The following PDZRN4 variants were observed in gnomAD, a reference collection of about 807,000 sequenced individuals.
PDZRN4 encodes the protein PDZ domain-containing RING finger protein 4.
Under a neutral mutation model 99.0 loss-of-function variants are expected in PDZRN4, and 70 were observed. That is an observed-to-expected ratio of 0.71 (90% CI 0.58 to 0.86). The LOEUF is 0.86. Among genes scored for constraint, PDZRN4 ranks in the 40% least tolerant of loss-of-function variants. PDZRN4 has a pLI of 0.00. For missense variants in PDZRN4, 1,474 were observed against 1,331.2 expected (o/e 1.11, Z -1.67); for synonymous variants, 551 against 501.6 (o/e 1.10, Z -1.32).
chr12:41,312,018 G>A (rs1326958900), intron 3 of PDZRN4, among the ~76,000 whole-genome samples: 3 of 152,136 alleles, frequency 2.0e-5, no homozygotes, highest in Non-Finnish European at 1.5e-5. Flanking sequence ...AGCTGAGTGA[G>A]AGGAAAGCTT....
chr12:41,502,185 G>T (rs1167613247), intron 3 of PDZRN4, among the ~76,000 whole-genome samples: 1 of 151,852 alleles, frequency 6.6e-6, no homozygotes, highest in Non-Finnish European at 1.5e-5. Context: ...TCCCACCCTG[G>T]GACTACTAGC....
In PDZRN4 at chr12:41,567,859, A is replaced by G. The variant is rs779458823; in HGVS notation, c.1544A>G (p.His515Arg). ...ELNLEMLEEE[H>R]NEAMQPTANE... The stretch of plus-strand genomic sequence containing the variant: ...AACTTGGAGATGTTGGAAGAAGAGC[A>G]TAATGAAGCAATGCAGCCCACTGCC... The change falls in exon 9 of 10, where the codon CAT becomes CGT. Residue 515 changes from histidine (H) to arginine (R), a missense_variant. His to Arg is a conservative substitution (Grantham distance 29). Coordinates refer to ENST00000402685, the MANE Select transcript of PDZRN4 (RefSeq NM_001164595.2). 1.7e-5 allele frequency: 27 copies of G among 1,613,446 alleles called. 2 individuals carry two copies. The South Asian group carries it at 2.5e-4, about 15-fold the overall frequency.
intron 2 of PDZRN4, among the ~76,000 whole-genome samples, chr12:41,191,914 C>T (rs536458710): frequency 6.6e-6 from 1 of 152,070 alleles, no homozygotes; most frequent in South Asian, 2.1e-4. Flanking sequence ...TCCCAAATAG[C>T]TGGGATTACA....
chr12:41,342,713 A>T (rs1484433653), intron 3 of PDZRN4, among the ~76,000 whole-genome samples: 1 of 151,848 alleles, frequency 6.6e-6, no homozygotes, highest in Non-Finnish European at 1.5e-5. Flanking sequence ...GAAAATATAT[A>T]TTGGCAAATA....
intron 7 of PDZRN4, among the ~76,000 whole-genome samples, chr12:41,562,409 A>C (rs2120831651): frequency 6.6e-6 from 1 of 152,296 alleles, no homozygotes; most frequent in Middle Eastern, 3.4e-3. Flanking sequence ...TTTAAGCAGA[A>C]GTCCTTAGTG....
chr12:41,388,453 T>G (rs1029692473), intron 3 of PDZRN4, among the ~76,000 whole-genome samples: 2 of 152,152 alleles, frequency 1.3e-5, no homozygotes, highest in Non-Finnish European at 2.9e-5. Context: ...TGTAGGCCAC[T>G]GTCAAGACTT....
chr12:41,349,793 A>G (rs1486012425), intron 3 of PDZRN4, among the ~76,000 whole-genome samples: 2 of 152,018 alleles, frequency 1.3e-5, no homozygotes, highest in Non-Finnish European at 2.9e-5. Flanking sequence ...ACAGAGGTAT[A>G]TGTATACGGT....
chr12:41,457,273 A>G (rs1952824333), intron 3 of PDZRN4, among the ~76,000 whole-genome samples: 2 of 152,192 alleles, frequency 1.3e-5, no homozygotes, highest in African/African-American at 4.8e-5. Context: ...TGCAATTTGT[A>G]TAAACAAAAA....
intron 3 of PDZRN4, among the ~76,000 whole-genome samples, chr12:41,443,890 C>T (rs146317572): frequency 6.6e-5 from 10 of 152,146 alleles, no homozygotes; most frequent in Non-Finnish European, 1.5e-4. Flanking sequence ...TAAAACTTGG[C>T]ATATATGTGT....
chr12:41,401,296 G>C (rs1325807166), intron 3 of PDZRN4, among the ~76,000 whole-genome samples: 2 of 152,078 alleles, frequency 1.3e-5, no homozygotes, highest in Non-Finnish European at 2.9e-5. Context: ...TGTCTACTGA[G>C]AACTAAGCTA....
intron 3 of PDZRN4, among the ~76,000 whole-genome samples, chr12:41,349,851 GTCAAAAAGGGCC>G (rs6144694): frequency 0.38 from 57,703 of 151,546 alleles, 11,054 homozygotes; most frequent in African/African-American, 0.41. Flanking sequence ...TCCTGCAGAA[GTCAAAAAGGGCC>G]TCATATAGGG....
chr12:41,246,693 T>G (rs540837025), intron 3 of PDZRN4, among the ~76,000 whole-genome samples: 5 of 152,204 alleles, frequency 3.3e-5, no homozygotes, highest in Non-Finnish European at 7.3e-5. Context: ...ATGTTCTTTA[T>G]CTTATGAACC....
chr12:41,507,381 GC>G (rs1938226683), intron 4 of PDZRN4, among the ~76,000 whole-genome samples: 1 of 152,144 alleles, frequency 6.6e-6, no homozygotes, highest in Admixed American at 6.6e-5. Flanking sequence ...AAGTATGCTT[GC>G]CCAATTCATT....
intron 3 of PDZRN4, among the ~76,000 whole-genome samples, chr12:41,480,930 ATAAAT>A (rs1565594098): frequency 6.6e-6 from 1 of 152,098 alleles, no homozygotes; most frequent in African/African-American, 2.4e-5. Context: ...TACATGTCAG[ATAAAT>A]TAAGTATAAA....
At position 41,188,396 on chromosome 12, in the gene PDZRN4, C is replaced by T. The variant is rs1950707428; in HGVS notation, c.-60C>T. 1.4e-6 allele frequency: 2 copies of T among 1,431,568 alleles called. No homozygotes were observed. Among genetic ancestry groups the T allele is most frequent in the Non-Finnish European group, 1.8e-6 (2 of 1,086,916 alleles). 88.7% of individuals were successfully genotyped at this position (1,431,568 alleles called of 1,614,324 possible). A position where few individuals can be genotyped will look rare whatever the true frequency, so the allele number is the denominator to read the frequency against. The stretch of plus-strand genomic sequence containing the variant: ...TGCCCCGGGGGTGGCCCGGGGAAGG[C>T]AGGGGGGCTCGGAGAAGACGGACTC... On this transcript the variant is annotated 5_prime_UTR_variant, in exon 1 of 10. Coordinates refer to ENST00000402685, the MANE Select transcript of PDZRN4 (RefSeq NM_001164595.2).
chr12:41,303,847 C>G (rs2120935481), intron 3 of PDZRN4, among the ~76,000 whole-genome samples: 1 of 152,272 alleles, frequency 6.6e-6, no homozygotes, highest in South Asian at 2.1e-4. Context: ...TTTATTGTCA[C>G]TCTGTGTGAC....
At chr12:41,437,688 G>GCAA in intron 3 of PDZRN4, 1 of 1,307,978 alleles carries the variant, frequency 7.6e-7, no homozygotes, top group South Asian at 1.7e-5. Flanking sequence ...CAGAGACGGG[G>GCAA]GAGTGTTGCC....
chr12:41,191,785 TTTTG>T (rs5797713), intron 2 of PDZRN4, among the ~76,000 whole-genome samples: 4,195 of 150,242 alleles, frequency 0.028, 111 homozygotes, highest in African/African-American at 0.06. Flanking sequence ...TATTTATTTA[TTTTG>T]TTTGTTTGTT....
chr12:41,312,652 C>T (rs1951614902), intron 3 of PDZRN4, among the ~76,000 whole-genome samples: 1 of 152,118 alleles, frequency 6.6e-6, no homozygotes, highest in Non-Finnish European at 1.5e-5. Context: ...TGCAGGGGAA[C>T]TCCCCTTTAT....
Sources: allele counts gnomAD v4.1 joint callset (sites outside exome capture counted in the v4.1 genomes callset), GRCh38; gene constraint gnomAD v4.1.1; transcripts MANE v1.5; gene names NCBI Gene and HGNC (gene_info 2026-07-23, HGNC 2026-07-21).